Variants in DPP6 observed in about 807,000 individuals in gnomAD.
DPP6 encodes the protein A-type potassium channel modulatory protein DPP6.
A neutral mutation model predicts 122.6 loss-of-function variants in DPP6; 69 were observed. The ratio of observed to expected loss-of-function variants is 0.56; its 90% CI spans 0.46 to 0.69. The LOEUF (loss-of-function observed/expected upper bound fraction) is 0.69. DPP6 is among the 30% of genes least tolerant of loss of function. The pLI is 0.00. For synonymous variants in DPP6, 418 were observed against 433.1 expected (o/e 0.97, Z 0.43); for missense variants, 928 against 1,116.9 (o/e 0.83, Z 2.41).
At position 154,656,129 on chromosome 7, in the gene DPP6, T is replaced by A. The variant is rs1319376087; in HGVS notation, c.681-13231T>A. Among the ~76,000 whole-genome samples, 8 of 134,494 alleles carry A rather than the reference T, an allele frequency of 5.9e-5. No individual in the cohort carries two copies. The South Asian group carries it at 1.9e-3, about 33-fold the overall frequency. The allele number at this position is 134,494 out of a possible 152,430, so 88.2% of individuals were successfully genotyped here. ...GCCCAGGACACTGGATTTTAAAGGG[T>A]GGGCAGAGAAGATCCCACAGAGACG... On this transcript the variant is annotated intron_variant, in intron 6 of 25. Coordinates refer to ENST00000377770, the MANE Select transcript of DPP6 (RefSeq NM_130797.4).
At chr7:154,532,329 C>T (rs777746098) in intron 3 of DPP6, among the ~76,000 whole-genome samples, 5 of 151,806 alleles carry the variant, frequency 3.3e-5, no homozygotes, top group African/African-American at 4.8e-5. Flanking sequence ...ATTTGTGAGA[C>T]GTCACTAATG....
intron 1 of DPP6, among the ~76,000 whole-genome samples, chr7:154,071,330 A>C (rs1803105868): frequency 6.6e-6 from 1 of 152,190 alleles, no homozygotes; most frequent in Admixed American, 6.5e-5. Flanking sequence ...ACAAATATGG[A>C]AACTAGCTTA....
chr7:154,724,015 G>C (rs979303465), intron 7 of DPP6, among the ~76,000 whole-genome samples: 3 of 152,194 alleles, frequency 2.0e-5, no homozygotes, highest in Non-Finnish European at 2.9e-5. Flanking sequence ...GGAGCTTCAG[G>C]AGACATGAGG....
intron 1 of DPP6, among the ~76,000 whole-genome samples, chr7:154,060,110 C>T (rs1011964918): frequency 4.8e-5 from 7 of 147,066 alleles, no homozygotes; most frequent in Non-Finnish European, 9.0e-5. Context: ...GCAATCCTCC[C>T]GAGGCGGGAC....
At chr7:154,704,107 C>A (rs2131276386) in intron 7 of DPP6, among the ~76,000 whole-genome samples, 1 of 152,224 alleles carries the variant, frequency 6.6e-6, no homozygotes, top group East Asian at 1.9e-4. Context: ...ATCAACATTA[C>A]CAGGAGTTTA....
chr7:154,058,834 TCCGCCC>T, intron 1 of DPP6: 3 of 146,936 alleles, frequency 2.0e-5, no homozygotes, highest in East Asian at 4.3e-4. Context: ...TATCCCCTCT[TCCGCCC>T]CTGGCTGTTA....
At chr7:153,823,806 T>C in the DPP6 span, among the ~76,000 whole-genome samples, 1 of 152,050 alleles carries the variant, frequency 6.6e-6, no homozygotes, top group Non-Finnish European at 1.5e-5. Flanking sequence ...AAAAGCCAAC[T>C]AAAGAGTGAG....
rs147931578 is a variant in DPP6 at position 154,569,366 on chromosome 7, T to A, written c.627+2450T>A. Reference sequence around the variant, plus strand: ...ATCCATTGGTATTCTTTAAAAACAATTAAAGGTTCCATATTCAAATACATT... The same window carrying A: ...ATCCATTGGTATTCTTTAAAAACAAATAAAGGTTCCATATTCAAATACATT... On this transcript the variant is annotated intron_variant, in intron 5 of 25. Transcript: ENST00000377770. Among the ~76,000 whole-genome samples, 77 of 152,112 alleles carry A rather than the reference T, an allele frequency of 5.1e-4. 2 individuals carry two copies. The highest frequency in any genetic ancestry group is 1.7e-3 in the African/African-American group (72 of 41,400).
intron 1 of DPP6, among the ~76,000 whole-genome samples, chr7:154,120,106 C>T (rs1327619018): frequency 2.6e-5 from 4 of 152,208 alleles, no homozygotes; most frequent in Non-Finnish European, 4.4e-5. Flanking sequence ...TGAACTCTGA[C>T]TGACACATTA....
intron 16 of DPP6, among the ~76,000 whole-genome samples, chr7:154,827,233 C>T (rs1800232759): frequency 2.0e-5 from 3 of 151,596 alleles, no homozygotes; most frequent in Non-Finnish European, 4.4e-5. Context: ...CACTTGAAGA[C>T]ACCCACTGGA....
intron 1 of DPP6, among the ~76,000 whole-genome samples, chr7:154,281,147 G>C (rs1189158473): frequency 2.0e-5 from 3 of 151,888 alleles, no homozygotes; most frequent in Non-Finnish European, 4.4e-5. Flanking sequence ...CAAGGAGCTG[G>C]GATTACAGGC....
At chr7:154,080,656 T>C (rs1387532417) in intron 1 of DPP6, among the ~76,000 whole-genome samples, 1 of 152,186 alleles carries the variant, frequency 6.6e-6, no homozygotes, top group East Asian at 1.9e-4. Flanking sequence ...CATACCTCCG[T>C]CTGTAAGTTC....
chr7:153,849,472 A>G, the DPP6 span, among the ~76,000 whole-genome samples: 1 of 152,152 alleles, frequency 6.6e-6, no homozygotes, highest in South Asian at 2.1e-4. Flanking sequence ...CTGATGCTCC[A>G]TAAAACCCTA....
At chr7:154,393,852 A>G (rs1055792417) in intron 1 of DPP6, among the ~76,000 whole-genome samples, 3 of 152,124 alleles carry the variant, frequency 2.0e-5, no homozygotes, top group Non-Finnish European at 4.4e-5. Flanking sequence ...TTCTGTCTCC[A>G]TGATTTTGAC....
rs531351325 is a variant in DPP6, at chr7:153,949,094, T to G, written c.51+61360T>G. On this transcript the variant is annotated intron_variant, in intron 1 of 25. Coordinates refer to the DPP6 transcript ENST00000404039. ...TTATGACACAGTGCGGTCCTGAGACTCCTCCTGCAGGCAGCTGGGGTGGTC... is the reference window on the plus strand; with the variant it reads ...TTATGACACAGTGCGGTCCTGAGACGCCTCCTGCAGGCAGCTGGGGTGGTC... 9.8e-5 allele frequency among the ~76,000 whole-genome samples: 15 copies of G among 152,326 alleles called. 1 individual carries two copies. In the Middle Eastern group the frequency reaches 0.01, roughly 104 times the overall value.
At chr7:154,023,133 A>G (rs1365123027) in intron 1 of DPP6, among the ~76,000 whole-genome samples, 1 of 151,838 alleles carries the variant, frequency 6.6e-6, no homozygotes, top group Non-Finnish European at 1.5e-5. Context: ...ACCTTTAGTG[A>G]GTCCAGGACA....
chr7:154,305,050 CCCA>C (rs1806187439), intron 1 of DPP6: 1 of 98,266 alleles, frequency 1.0e-5, no homozygotes, highest in African/African-American at 5.2e-5. Flanking sequence ...CAGCCCCAGC[CCCA>C]GCCCCAGCCC....
At chr7:154,276,924 C>A (rs937479455) in intron 1 of DPP6, among the ~76,000 whole-genome samples, 2 of 152,176 alleles carry the variant, frequency 1.3e-5, no homozygotes, top group African/African-American at 4.8e-5. Context: ...TTTTCCAACA[C>A]ACATATTCTT....
At chr7:153,929,670 G>C (rs1410476363) in intron 1 of DPP6, among the ~76,000 whole-genome samples, 1 of 152,150 alleles carries the variant, frequency 6.6e-6, no homozygotes, top group Non-Finnish European at 1.5e-5. Context: ...TTTCCCACCA[G>C]CAGTGGGTGG....
Sources: gnomAD v4.1 joint callset for allele counts (sites outside exome capture counted in the v4.1 genomes callset) on GRCh38, gnomAD v4.1.1 for gene constraint, MANE v1.5 for transcripts, NCBI Gene and HGNC (gene_info 2026-07-23, HGNC 2026-07-21) for gene names.